ATP2B3: variants seen among roughly 807,000 people sequenced by gnomAD.
The protein encoded by ATP2B3 is plasma membrane calcium-transporting ATPase 3.
A neutral mutation model predicts 70.8 loss-of-function variants in ATP2B3; 12 were observed. The ratio of observed to expected loss-of-function variants is 0.17; its 90% CI spans 0.11 to 0.27. ATP2B3 has a LOEUF of 0.27. ATP2B3 is among the 10% of genes least tolerant of loss of function. ATP2B3 has a pLI of 1.00. For synonymous variants in ATP2B3, 460 were observed against 497.8 expected, an observed-to-expected ratio of 0.92 and a Z score of 1.01; for missense variants, 858 against 1,118.5, an observed-to-expected ratio of 0.77 and a Z score of 3.32.
chrX:153,545,770 G>A (rs1486701456), intron 7 of ATP2B3, among the ~76,000 whole-genome samples: 1 of 112,145 alleles, frequency 8.9e-6, no homozygotes, highest in African/African-American at 3.2e-5. Flanking sequence ...CAGACGTCCC[G>A]ACTTGGGGAG....
chrX:153,567,114 A>G (rs1341296263), intron 21 of ATP2B3, among the ~76,000 whole-genome samples: 5 of 112,567 alleles, frequency 4.4e-5, no homozygotes, highest in African/African-American at 1.6e-4. Context: ...GAACACAGAG[A>G]GCCCCGGTGA....
chrX:153,554,756 C>T (rs570422105), intron 13 of ATP2B3, among the ~76,000 whole-genome samples: 1 of 112,565 alleles, frequency 8.9e-6, no homozygotes, highest in African/African-American at 3.2e-5. Flanking sequence ...GGAGCTGGGC[C>T]GGCCGGGGGC....
In ATP2B3 at chrX:153,517,875, G is replaced by GGTAA. The variant is rs1196095964; in HGVS notation, c.-247+3_-247+6dup. On this transcript the variant is annotated splice_region_variant and 5_prime_UTR_variant. It introduces an in-frame stop codon into an upstream open reading frame of the 5' UTR. Coordinates refer to ENST00000263519, the MANE Select transcript of ATP2B3 (RefSeq NM_001001344.3). Reference sequence around the variant, plus strand: ...GCGGCGGCGGCCGTGCCCATGCCCGGGTAAGTGGTGCTCTGGGCGCGCGGG... The same window carrying GGTAA: ...GCGGCGGCGGCCGTGCCCATGCCCGGGTAAGTAAGTGGTGCTCTGGGCGCGCGGG... The GGTAA allele has an allele frequency of 1.8e-5, 2 of 109,424 alleles. No homozygotes were observed. Among genetic ancestry groups the GGTAA allele is most frequent in the Admixed American group, 9.5e-5 (1 of 10,558 alleles). 9.0% of individuals were successfully genotyped at this position (109,424 alleles called of 1,213,427 possible).
chrX:153,557,709 G>C (rs782185913), intron 16 of ATP2B3, among the ~76,000 whole-genome samples: 4 of 111,510 alleles, frequency 3.6e-5, no homozygotes, highest in African/African-American at 9.8e-5. Context: ...GCAAGGAGCC[G>C]CCCCGCCCAG....
intron 21 of ATP2B3, among the ~76,000 whole-genome samples, chrX:153,565,403 C>G (rs1373671387): frequency 1.8e-5 from 2 of 113,070 alleles, no homozygotes; most frequent in Non-Finnish European, 3.7e-5. Flanking sequence ...AGGCCAGCAC[C>G]GTCCTCATCA....
intron 2 of ATP2B3, among the ~76,000 whole-genome samples, chrX:153,525,448 G>A (rs1283159076): frequency 5.4e-5 from 6 of 111,809 alleles, no homozygotes; most frequent in African/African-American, 6.5e-5. Flanking sequence ...AGCAGGAGCA[G>A]GAGAGTGTGT....
chrX:153,559,205 C>T (rs1383689321), intron 17 of ATP2B3: 2 of 115,661 alleles, frequency 1.7e-5, no homozygotes, highest in Non-Finnish European at 3.6e-5. Context: ...ACTCCCCAAA[C>T]CCCAGCCCCT....
In ATP2B3 at chrX:153,553,131, C is replaced by T. The variant is rs367604781; in HGVS notation, c.1920C>T (p.Cys640=). 1.8e-4 allele frequency: 220 copies of T among 1,208,871 alleles called. No homozygotes were observed. In the South Asian group the frequency reaches 3.5e-3, roughly 19 times the overall value. The stretch of plus-strand genomic sequence containing the variant: ...GGAAGATCATCGAGCCGATGGCTTG[C>T]GATGGCCTCCGCACCATCTGCATCG... ...MVRKIIEPMA[C]DGLRTICIAY... The change falls in exon 13 of 22, where the codon TGC becomes TGT. Residue 640 remains cysteine (C), a synonymous_variant. Transcript: ENST00000263519.
At chrX:153,577,683 G>A (rs1002387949) in intron 21 of ATP2B3, among the ~76,000 whole-genome samples, 11 of 112,616 alleles carry the variant, frequency 9.8e-5, no homozygotes, top group African/African-American at 2.3e-4. Flanking sequence ...ACCATCTGCC[G>A]TCTGGCAGAT....
intron 7 of ATP2B3, among the ~76,000 whole-genome samples, chrX:153,545,193 T>C (rs1235911822): frequency 3.6e-5 from 4 of 112,621 alleles, no homozygotes; most frequent in African/African-American, 6.5e-5. Context: ...ACTGCAGCTC[T>C]CAGAAGGGGT....
intron 21 of ATP2B3, among the ~76,000 whole-genome samples, chrX:153,567,653 G>A (rs1343187173): frequency 4.4e-5 from 5 of 112,568 alleles, no homozygotes; most frequent in Admixed American, 9.3e-5. Context: ...TAGTAGAAGC[G>A]AGTCCCATCG....
At chrX:153,577,229 GC>G (rs1333875081) in intron 21 of ATP2B3, among the ~76,000 whole-genome samples, 1 of 113,158 alleles carries the variant, frequency 8.8e-6, no homozygotes, top group Non-Finnish European at 1.9e-5. Flanking sequence ...GACCGGAGGA[GC>G]AGTAGCAGCA....
At chrX:153,519,436 G>A (rs906208235) in intron 2 of ATP2B3, among the ~76,000 whole-genome samples, 1 of 111,772 alleles carries the variant, frequency 8.9e-6, no homozygotes. Flanking sequence ...TCAACCACAC[G>A]AGTGAATGGC....
Position 153,560,799 on chromosome X carries a change from G to A in ATP2B3, c.2963G>A (p.Arg988His), listed in dbSNP as rs2124496126. ...CAGCTCTTTAACGAGATCAACGCCC[G>A]CAAGATCCACGGCGAGAGGAACGTG... ...MMQLFNEINARKIHGERNVFD... is the reference protein window; with the variant it reads ...MMQLFNEINAHKIHGERNVFD... Residue 988 changes from arginine to histidine, a missense_variant, in exon 19 of 22, where the codon CGC becomes CAC. Arg to His is a conservative substitution (Grantham distance 29, BLOSUM62 0). Around this residue, in one of 5 missense-constraint regions of ATP2B3, gnomAD observed 265 missense variants for 305.3 expected, o/e 0.87. Transcript: ENST00000263519. 1 of 1,211,946 alleles carries A rather than the reference G, an allele frequency of 8.3e-7. No individual in the cohort carries two copies.
chrX:153,542,049 T>TCAGGCCCCCGA, intron 5 of ATP2B3, 123 bp downstream of exon 5: 3 of 183,787 alleles, frequency 1.6e-5, no homozygotes, highest in Admixed American at 1.0e-4. Context: ...TCACCTGCCT[T>TCAGGCCCCCGA]AGGAGGCGGG....
At chrX:153,530,658 G>C (rs968251890) in intron 2 of ATP2B3, among the ~76,000 whole-genome samples, 38 of 110,930 alleles carry the variant, frequency 3.4e-4, no homozygotes, top group African/African-American at 1.2e-3. Flanking sequence ...CTGCAGGGCA[G>C]AGCTTCAGGC....
At chrX:153,529,669 AC>A (rs2090085584) in intron 2 of ATP2B3, among the ~76,000 whole-genome samples, 1 of 112,195 alleles carries the variant, frequency 8.9e-6, no homozygotes, top group Non-Finnish European at 1.9e-5. Context: ...CAGCCGCAGA[AC>A]TTGTTCGTCT....
chrX:153,539,611 G>A (rs2090248828), intron 3 of ATP2B3, among the ~76,000 whole-genome samples: 2 of 113,241 alleles, frequency 1.8e-5, no homozygotes, highest in South Asian at 7.2e-4. Flanking sequence ...GCAGCAGATG[G>A]CAGGCGTGAG....
intron 2 of ATP2B3, among the ~76,000 whole-genome samples, chrX:153,532,260 G>A (rs1389164979): frequency 4.4e-5 from 5 of 112,783 alleles, no homozygotes; most frequent in Non-Finnish European, 3.8e-5. Flanking sequence ...ATGGGAGCGG[G>A]GGTGCCCCCT....
Sources: allele counts gnomAD v4.1 joint callset (sites outside exome capture counted in the v4.1 genomes callset), GRCh38; gene constraint gnomAD v4.1.1; regional missense constraint gnomAD v4.1.1; transcripts MANE v1.5; gene names NCBI Gene and HGNC (gene_info 2026-07-23, HGNC 2026-07-21).